UPP2: variants seen among roughly 807,000 people sequenced by gnomAD.
UPP2 encodes the protein uridine phosphorylase 2, also known as UPase 2.
In UPP2, 23 loss-of-function variants were observed where a neutral mutation model predicts 26.7. The ratio of observed to expected loss-of-function variants is 0.86; its 90% CI spans 0.62 to 1.22. The LOEUF (loss-of-function observed/expected upper bound fraction) is 1.22, where lower values mean the gene tolerates loss of function less well. Among genes scored for constraint, UPP2 ranks in the 50% most tolerant of loss-of-function variants. UPP2 has a pLI of 0.00. For synonymous variants in UPP2, 127 were observed against 141.3 expected, an observed-to-expected ratio of 0.90 and a Z score of 0.72; for missense variants, 387 against 396.7, an observed-to-expected ratio of 0.98 and a Z score of 0.21.
chr2:158,048,145 G>A (rs1212130262), intron 3 of UPP2, among the ~76,000 whole-genome samples: 1 of 152,198 alleles, frequency 6.6e-6, no homozygotes, highest in African/African-American at 2.4e-5. Context: ...ACACAGAAAA[G>A]AAAGGACACA....
intron 2 of UPP2, among the ~76,000 whole-genome samples, chr2:158,108,598 C>T (rs973293365): frequency 6.6e-6 from 1 of 150,840 alleles, no homozygotes; most frequent in Non-Finnish European, 1.5e-5. Flanking sequence ...CACACACGCA[C>T]ACACACAGAC....
At chr2:158,069,748 A>T (rs149325376) in intron 3 of UPP2, among the ~76,000 whole-genome samples, 1 of 152,240 alleles carries the variant, frequency 6.6e-6, no homozygotes, top group Non-Finnish European at 1.5e-5. Flanking sequence ...GCCCTCCAAC[A>T]ATGTCTTGAC....
chr2:158,016,489 C>T (rs971883610), intron 3 of UPP2, among the ~76,000 whole-genome samples: 4 of 151,944 alleles, frequency 2.6e-5, no homozygotes, highest in East Asian at 1.9e-4. Flanking sequence ...TATAGACACC[C>T]GCCACCAAAC....
chr2:158,055,222 T>C (rs1357905603), intron 3 of UPP2, among the ~76,000 whole-genome samples: 1 of 152,136 alleles, frequency 6.6e-6, no homozygotes, highest in African/African-American at 2.4e-5. Context: ...TATCACATGG[T>C]GAGGGGCTGA....
intron 3 of UPP2, among the ~76,000 whole-genome samples, chr2:158,029,950 T>G (rs925923267): frequency 2.0e-5 from 3 of 152,208 alleles, no homozygotes; most frequent in Non-Finnish European, 4.4e-5. Flanking sequence ...TAATTATTCC[T>G]TAGGGTAGTC....
At chr2:158,063,689 CT>C (rs1682389334) in intron 3 of UPP2, among the ~76,000 whole-genome samples, 1 of 151,942 alleles carries the variant, frequency 6.6e-6, no homozygotes, top group Non-Finnish European at 1.5e-5. Flanking sequence ...TGGTGGTTTG[CT>C]GCACCCATCA....
intron 3 of UPP2, among the ~76,000 whole-genome samples, chr2:158,045,133 T>G (rs954369940): frequency 6.6e-6 from 1 of 152,162 alleles, no homozygotes; most frequent in Non-Finnish European, 1.5e-5. Flanking sequence ...GAGAAAATAA[T>G]GGGCTTGAAA....
chr2:158,010,026 C>T (rs181165040), intron 2 of UPP2, among the ~76,000 whole-genome samples: 45 of 152,294 alleles, frequency 3.0e-4, no homozygotes, highest in African/African-American at 9.4e-4. Context: ...CACCAGGAAA[C>T]GAGTATGTTA....
At chr2:158,040,567 G>A (rs1318380327) in intron 3 of UPP2, among the ~76,000 whole-genome samples, 1 of 152,166 alleles carries the variant, frequency 6.6e-6, no homozygotes, top group African/African-American at 2.4e-5. Flanking sequence ...TTTGGCAAAT[G>A]GGTCACTGAA....
chr2:158,080,866 C>T (rs1287096612), intron 3 of UPP2, among the ~76,000 whole-genome samples: 1 of 152,146 alleles, frequency 6.6e-6, no homozygotes, highest in Non-Finnish European at 1.5e-5. Flanking sequence ...CTCACCTGAA[C>T]AGGCTCTGGA....
intron 3 of UPP2, among the ~76,000 whole-genome samples, chr2:158,063,524 A>G (rs1682385075): frequency 6.6e-6 from 1 of 151,978 alleles, no homozygotes; most frequent in Admixed American, 6.6e-5. Flanking sequence ...AGCAACAACC[A>G]TCTCTGCCTC....
At chr2:158,060,756 A>G (rs1682339960) in intron 3 of UPP2, among the ~76,000 whole-genome samples, 1 of 152,194 alleles carries the variant, frequency 6.6e-6, no homozygotes, top group African/African-American at 2.4e-5. Context: ...CCTTAAAAAG[A>G]AGAGCCACCA....
chr2:158,114,137 C>T (rs1683374023), intron 2 of UPP2, among the ~76,000 whole-genome samples: 1 of 152,172 alleles, frequency 6.6e-6, no homozygotes, highest in South Asian at 2.1e-4. Context: ...CCAGGTTTAC[C>T]TAACCTCAAA....
chr2:158,094,013 A>T (rs1682950830), intron 3 of UPP2, among the ~76,000 whole-genome samples: 1 of 150,392 alleles, frequency 6.6e-6, no homozygotes, highest in Non-Finnish European at 1.5e-5. Context: ...TGATTCTTAT[A>T]TATACATATC....
intron 3 of UPP2, among the ~76,000 whole-genome samples, chr2:158,067,861 C>T (rs1030104828): frequency 6.6e-6 from 1 of 151,928 alleles, no homozygotes; most frequent in Non-Finnish European, 1.5e-5. Flanking sequence ...TAAAACAGGC[C>T]TAGCAAGTAA....
At chr2:158,064,015 T>C (rs1574270517) in intron 3 of UPP2, among the ~76,000 whole-genome samples, 1 of 152,362 alleles carries the variant, frequency 6.6e-6, no homozygotes, top group East Asian at 1.9e-4. Flanking sequence ...TTTGGGTTGG[T>C]TCCAAATCTT....
In UPP2 at chr2:158,083,015, T is replaced by G. The variant is rs867037733; in HGVS notation, c.148-19025T>G. ...TCAAAACTACAATGAGATGCCATCTTACATCAGTTAGAATGGCGATTATTA... is the reference window on the plus strand; with the variant it reads ...TCAAAACTACAATGAGATGCCATCTGACATCAGTTAGAATGGCGATTATTA... On this transcript the variant is annotated intron_variant, in intron 3 of 9. Transcript: ENST00000605860. Among the ~76,000 whole-genome samples the G allele has an allele frequency of 3.3e-5, 5 of 152,194 alleles. No homozygotes were observed. The South Asian group carries it at 6.2e-4, about 19-fold the overall frequency.
At chr2:158,021,053 G>T (rs181900234) in intron 3 of UPP2, among the ~76,000 whole-genome samples, 49 of 152,264 alleles carry the variant, frequency 3.2e-4, no homozygotes, top group African/African-American at 1.1e-3. Flanking sequence ...CCCTCTGGCA[G>T]TCTAGTGAAG....
At chr2:158,134,682 T>C in intron 6 of UPP2, 66 bp from the exon 7 acceptor site, 2 of 1,486,018 alleles carry the variant, frequency 1.3e-6, no homozygotes, top group Non-Finnish European at 1.8e-6. Context: ...CTGGTGTGTT[T>C]GGCTAATGCT....
Sources: gnomAD v4.1 joint callset for allele counts (sites outside exome capture counted in the v4.1 genomes callset) on GRCh38, gnomAD v4.1.1 for gene constraint, MANE v1.5 for transcripts, NCBI Gene and HGNC (gene_info 2026-07-23, HGNC 2026-07-21) for gene names.